MMP16: variants seen among roughly 807,000 people sequenced by gnomAD.
MMP16 encodes the protein matrix metallopeptidase 16.
In MMP16, 12 loss-of-function variants were observed where a neutral mutation model predicts 67.8. That is an observed-to-expected ratio of 0.18 (90% CI 0.11 to 0.29). MMP16 has a LOEUF of 0.29. Ranked by LOEUF, MMP16 falls within the 10% of genes least tolerant of loss-of-function variation. The pLI is 1.00. For missense variants in MMP16, 475 were observed against 765.7 expected (o/e 0.62, Z 4.48); for synonymous variants, 249 against 255.9 (o/e 0.97, Z 0.26).
chr8:88,178,023 A>T (rs1184525763), intron 3 of MMP16, among the ~76,000 whole-genome samples: 1 of 152,056 alleles, frequency 6.6e-6, no homozygotes, highest in Non-Finnish European at 1.5e-5. Context: ...AAAAAAAAAG[A>T]ACTCTAGAAG....
chr8:88,045,236 A>G (rs1808183283), intron 9 of MMP16, among the ~76,000 whole-genome samples: 1 of 152,232 alleles, frequency 6.6e-6, no homozygotes, highest in African/African-American at 2.4e-5. Context: ...TTATACATAT[A>G]GCAATGCTCA....
chr8:88,205,885 T>G (rs2129803976), intron 1 of MMP16, among the ~76,000 whole-genome samples: 1 of 152,328 alleles, frequency 6.6e-6, no homozygotes, highest in Non-Finnish European at 1.5e-5. Flanking sequence ...TCTTCACTTC[T>G]TCTTTTTACT....
intron 1 of MMP16, among the ~76,000 whole-genome samples, chr8:88,247,924 A>G (rs1166743247): frequency 6.6e-6 from 1 of 152,056 alleles, no homozygotes; most frequent in Non-Finnish European, 1.5e-5. Context: ...GTTGTTGCAC[A>G]TTGACGTCAT....
intron 1 of MMP16, among the ~76,000 whole-genome samples, chr8:88,285,729 G>T (rs1213221542): frequency 6.6e-6 from 1 of 151,902 alleles, no homozygotes; most frequent in South Asian, 2.1e-4. Context: ...AATTAATGTT[G>T]CAGTAAAATA....
At position 88,303,579 on chromosome 8, in the gene MMP16, C is replaced by A. The variant is rs183387214; in HGVS notation, c.132+23496G>T. Among the ~76,000 whole-genome samples the A allele has an allele frequency of 4.0e-3, 616 of 152,266 alleles. 1 individual carries two copies. The highest frequency in any genetic ancestry group is 4.6e-3 in the Non-Finnish European group (311 of 68,028). On this transcript the variant is annotated intron_variant, in intron 1 of 9. Transcript: ENST00000286614. ...AGTTTAGGCTGGCAATAGGACAGTACCCCCCTGGGACAGAGCCTTCAGAAG... is the reference window on the plus strand; with the variant it reads ...AGTTTAGGCTGGCAATAGGACAGTAACCCCCTGGGACAGAGCCTTCAGAAG...
At chr8:88,277,747 A>C (rs147270271) in intron 1 of MMP16, among the ~76,000 whole-genome samples, 2 of 152,298 alleles carry the variant, frequency 1.3e-5, no homozygotes, top group African/African-American at 4.8e-5. Context: ...CACTGTGTGT[A>C]AGACCAGTGA....
intron 4 of MMP16, among the ~76,000 whole-genome samples, chr8:88,137,307 TC>T (rs553610669): frequency 5.9e-5 from 9 of 151,604 alleles, no homozygotes; most frequent in Non-Finnish European, 1.2e-4. Context: ...AGGCAACTCC[TC>T]CCCCCCAAAA....
intron 6 of MMP16, among the ~76,000 whole-genome samples, chr8:88,087,958 C>T (rs558164715): frequency 4.2e-4 from 54 of 129,592 alleles, no homozygotes; most frequent in African/African-American, 1.8e-3. Context: ...AAAAACCAAA[C>T]AAACAAAAAA....
At chr8:88,311,679 T>C (rs28907891) in intron 1 of MMP16, among the ~76,000 whole-genome samples, 5,227 of 152,252 alleles carry the variant, frequency 0.034, 123 homozygotes, top group South Asian at 0.061. Context: ...TAGATGGATA[T>C]AAACCATAAT....
At chr8:88,201,020 A>G (rs1347830316) in intron 1 of MMP16, among the ~76,000 whole-genome samples, 1 of 151,850 alleles carries the variant, frequency 6.6e-6, no homozygotes, top group East Asian at 1.9e-4. Flanking sequence ...ACTGTTATTC[A>G]TTTGCTTAGA....
chr8:88,214,776 G>C (rs1809562937), intron 1 of MMP16, among the ~76,000 whole-genome samples: 1 of 152,006 alleles, frequency 6.6e-6, no homozygotes, highest in Admixed American at 6.6e-5. Flanking sequence ...CTCTGACAAG[G>C]ATCTTAACCT....
At chr8:88,243,558 C>T (rs531970368) in intron 1 of MMP16, among the ~76,000 whole-genome samples, 2 of 152,274 alleles carry the variant, frequency 1.3e-5, no homozygotes, top group East Asian at 3.9e-4. Flanking sequence ...TTGCAGTAGA[C>T]TCTGGAGGAA....
intron 6 of MMP16, among the ~76,000 whole-genome samples, chr8:88,107,996 G>T (rs1424775009): frequency 6.6e-6 from 1 of 151,004 alleles, no homozygotes. Context: ...TACTTAATAG[G>T]TGTTATCTAT....
intron 1 of MMP16, among the ~76,000 whole-genome samples, chr8:88,233,522 C>G (rs917028904): frequency 1.8e-4 from 27 of 152,306 alleles, no homozygotes; most frequent in African/African-American, 6.0e-4. Flanking sequence ...ATGGTCAGAT[C>G]TAAGTGCTGC....
At chr8:88,241,387 C>T (rs1742328876) in intron 1 of MMP16, among the ~76,000 whole-genome samples, 1 of 151,918 alleles carries the variant, frequency 6.6e-6, no homozygotes, top group South Asian at 2.1e-4. Context: ...AAGTTTTTTA[C>T]ATGGTGAAGC....
At chr8:88,311,106 T>C (rs1811287580) in intron 1 of MMP16, among the ~76,000 whole-genome samples, 1 of 152,154 alleles carries the variant, frequency 6.6e-6, no homozygotes, top group South Asian at 2.1e-4. Context: ...AAATGCATAA[T>C]GTGGGGATTA....
At chr8:88,309,897 A>C (rs917975745) in intron 1 of MMP16, among the ~76,000 whole-genome samples, 1 of 152,154 alleles carries the variant, frequency 6.6e-6, no homozygotes, top group Non-Finnish European at 1.5e-5. Flanking sequence ...ACTTAAAAGA[A>C]ATTCAAATTA....
chr8:88,222,154 A>C (rs1203202572), intron 1 of MMP16, among the ~76,000 whole-genome samples: 2 of 152,050 alleles, frequency 1.3e-5, no homozygotes, highest in Non-Finnish European at 2.9e-5. Flanking sequence ...TTGTAGAAAA[A>C]CAAGTGTGTA....
At chr8:88,143,115 T>C (rs1249570696) in intron 4 of MMP16, among the ~76,000 whole-genome samples, 1 of 152,078 alleles carries the variant, frequency 6.6e-6, no homozygotes, top group Non-Finnish European at 1.5e-5. Flanking sequence ...TCAGACTGCA[T>C]TGTCTTGAAT....
Sources: allele counts gnomAD v4.1 joint callset (sites outside exome capture counted in the v4.1 genomes callset), GRCh38; gene constraint gnomAD v4.1.1; transcripts MANE v1.5; gene names NCBI Gene and HGNC (gene_info 2026-07-23, HGNC 2026-07-21).